ZSWIM5: variants seen among roughly 807,000 people sequenced by gnomAD.
ZSWIM5 encodes zinc finger SWIM domain-containing protein 5.
In ZSWIM5, 55 loss-of-function variants were observed where a neutral mutation model predicts 119.6. That is an observed-to-expected ratio of 0.46 (90% CI 0.37 to 0.58). The LOEUF is 0.58. ZSWIM5 is among the 20% of genes least tolerant of loss of function. The pLI is 0.00. For missense variants in ZSWIM5, 1,193 were observed against 1,512.8 expected (o/e 0.79, Z 3.51); for synonymous variants, 537 against 606.9 (o/e 0.88, Z 1.69).
rs1300291234 is a variant in ZSWIM5 at position 45,206,210 on chromosome 1, G to A, written c.141C>T (p.Val47=). The A allele has an allele frequency of 3.2e-5, 51 of 1,590,928 alleles. No homozygotes were observed. Among genetic ancestry groups the A allele is most frequent in the Non-Finnish European group, 4.4e-5 (51 of 1,170,448 alleles). The change falls in exon 1 of 14, where the codon GTC becomes GTT. Residue 47 remains valine, a synonymous_variant. Transcript: ENST00000359600. ...CCCCGAGGACCAGGCAGCTGCTGCC[G>A]ACGCCCCCTGCCCCTCCGCCGGCTG... ...PGAAGGGAGG[V]GSSCLVLGAR... is the part of the protein sequence containing the mutation.
chr1:45,120,372 T>A (rs1336955495), intron 1 of ZSWIM5, among the ~76,000 whole-genome samples: 2 of 152,120 alleles, frequency 1.3e-5, no homozygotes, highest in African/African-American at 4.8e-5. Flanking sequence ...AAATTGACAC[T>A]AATACATTAA....
chr1:45,149,908 C>T (rs953352590), intron 1 of ZSWIM5, among the ~76,000 whole-genome samples: 5 of 152,108 alleles, frequency 3.3e-5, no homozygotes, highest in African/African-American at 1.2e-4. Flanking sequence ...TGGTGGCTCA[C>T]ACCTATAACT....
At chr1:45,177,469 C>A (rs979012847) in intron 1 of ZSWIM5, among the ~76,000 whole-genome samples, 2 of 152,006 alleles carry the variant, frequency 1.3e-5, no homozygotes, top group Non-Finnish European at 2.9e-5. Flanking sequence ...TTCCTACAAC[C>A]CAAACTGTGA....
chr1:45,204,124 G>A lies in ZSWIM5; in HGVS notation c.595+1632C>T, dbSNP rs143414435. ...TGACACTTTAGTTACTTTAAAAATA[G>A]ACACCTCTTTAAAACTCTTCCTCTC... On this transcript the variant is annotated intron_variant, in intron 1 of 13. Transcript: ENST00000359600. Among the ~76,000 whole-genome samples, 30 of 152,188 alleles carry A rather than the reference G, an allele frequency of 2.0e-4. No homozygotes were observed. In the East Asian group the frequency reaches 5.6e-3, roughly 28 times the overall value.
intron 1 of ZSWIM5, among the ~76,000 whole-genome samples, chr1:45,199,924 C>T (rs750851550): frequency 6.6e-6 from 1 of 152,274 alleles, no homozygotes; most frequent in Non-Finnish European, 1.5e-5. Context: ...AGTGACTAAA[C>T]GTTAATTCAA....
intron 1 of ZSWIM5, among the ~76,000 whole-genome samples, chr1:45,141,778 C>T (rs1309362737): frequency 6.6e-6 from 1 of 151,780 alleles, no homozygotes; most frequent in African/African-American, 2.4e-5. Flanking sequence ...TGAACACGCA[C>T]ACAAAAAACA....
chr1:45,018,986 A>C lies in ZSWIM5; in HGVS notation c.3026T>G (p.Leu1009Arg). 6.2e-7 allele frequency: 1 copy of C among 1,614,220 alleles called. No individual in the cohort carries two copies. Among genetic ancestry groups the C allele is most frequent in the Non-Finnish European group, 8.5e-7 (1 of 1,180,036 alleles). The change falls in exon 14 of 14, where the codon CTC becomes CGC. Residue 1009 changes from leucine (L) to arginine (R), a missense_variant. Transcript: ENST00000359600. This position sits in a 1 kb window ranked among gnomAD's most constrained non-coding sequence, Gnocchi z 6.7. ...GAAGGCACGTAGCGGGTAGCCACGG[A>C]GCTCCATGTAGCGGGCGATGGTGAA... ...QLFTIARYMELRGYPLRAFKL... is the reference protein window; with the variant it reads ...QLFTIARYMERRGYPLRAFKL...
intron 2 of ZSWIM5, among the ~76,000 whole-genome samples, chr1:45,068,865 A>G (rs994746982): frequency 1.7e-5 from 2 of 116,806 alleles, no homozygotes; most frequent in African/African-American, 6.8e-5. Flanking sequence ...CAGTGGTGCC[A>G]TTGTAGCTTG....
rs1645746789 is a variant in ZSWIM5 at position 45,144,113 on chromosome 1, A to G, written c.596-55876T>C. Reference sequence around the variant, plus strand: ...AATGCAATATCAGTCAAAATCTCAGATATTTTAAAATATAGACAAGCTAAT... The same window carrying G: ...AATGCAATATCAGTCAAAATCTCAGGTATTTTAAAATATAGACAAGCTAAT... On this transcript the variant is annotated intron_variant, in intron 1 of 13. Transcript: ENST00000359600. 3.9e-5 allele frequency among the ~76,000 whole-genome samples: 6 copies of G among 152,302 alleles called. No homozygotes were observed. The South Asian group carries it at 1.2e-3, about 32-fold the overall frequency.
chr1:45,145,208 G>A (rs897150501), intron 1 of ZSWIM5, among the ~76,000 whole-genome samples: 2 of 152,188 alleles, frequency 1.3e-5, no homozygotes, highest in South Asian at 2.1e-4. Context: ...ATGCTTTGCT[G>A]GCGTGAATAC....
Position 45,018,571 on chromosome 1 carries a change from C to T in ZSWIM5, c.3441G>A (p.Glu1147=). The part of the protein sequence containing the change: ...EFIEFLSKAR[E]TFLLPQDGHL... ...GGCCATCCTGGGGCAGCAGGAAGGT[C>T]TCCCGAGCCTTGCTTAGAAACTCAA... The change falls in exon 14 of 14, where the codon GAG becomes GAA. Residue 1147 remains glutamate (E), a synonymous_variant. Coordinates refer to ENST00000359600, the MANE Select transcript of ZSWIM5 (RefSeq NM_020883.2). The surrounding 1 kb of genome is among the most constrained non-coding windows in gnomAD (Gnocchi z 6.7). The T allele has an allele frequency of 6.2e-7, 1 of 1,614,204 alleles. No homozygotes were observed. The highest frequency in any genetic ancestry group is 8.5e-7 in the Non-Finnish European group (1 of 1,180,034).
intron 1 of ZSWIM5, among the ~76,000 whole-genome samples, chr1:45,151,198 C>T (rs772875110): frequency 2.6e-5 from 4 of 151,882 alleles, no homozygotes; most frequent in Non-Finnish European, 4.4e-5. Context: ...GTATTTACTA[C>T]CATCTGATTA....
Position 45,051,217 on chromosome 1 carries a change from C to A in ZSWIM5, c.1289G>T (p.Cys430Phe). The A allele has an allele frequency of 6.2e-7, 1 of 1,614,172 alleles. No homozygotes were observed. The highest frequency in any genetic ancestry group is 8.5e-7 in the Non-Finnish European group (1 of 1,180,024). The part of the protein sequence containing the change: ...LWVCIILNPH[C>F]KLEEKSCWLQ... ...CCAGCAGGATTTCTCCTCCAGTTTG[C>A]AGTGTGGATTTAAAATTATGCACAC... The change falls in exon 5 of 14, where the codon TGC (cysteine) becomes TTC (phenylalanine). Residue 430 changes from cysteine (C) to phenylalanine (F), a missense_variant. Transcript: ENST00000359600.
chr1:45,018,999 G>A lies in ZSWIM5; in HGVS notation c.3013C>T (p.Arg1005Cys), dbSNP rs772439229. The change falls in exon 14 of 14, where the codon CGC (arginine) becomes TGC (cysteine). Residue 1005 changes from arginine to cysteine, a missense_variant. Arg to Cys is a radical substitution (Grantham distance 180). This residue lies in a region of ZSWIM5 where 961 missense variants were observed against 1,290.0 expected (regional missense o/e 0.74). Coordinates refer to ENST00000359600, the MANE Select transcript of ZSWIM5 (RefSeq NM_020883.2). This position sits in a 1 kb window ranked among gnomAD's most constrained non-coding sequence, Gnocchi z 6.7. ...MTHSQLFTIA[R>C]YMELRGYPLR... Reference sequence around the variant, plus strand: ...GGGTAGCCACGGAGCTCCATGTAGCGGGCGATGGTGAACAGCTGTGAATGG... The same window carrying A: ...GGGTAGCCACGGAGCTCCATGTAGCAGGCGATGGTGAACAGCTGTGAATGG... 3 of 1,614,076 alleles carry A rather than the reference G, an allele frequency of 1.9e-6. No individual in the cohort carries two copies. Among genetic ancestry groups the A allele is most frequent in the South Asian group, 1.1e-5 (1 of 91,086 alleles).
At chr1:45,117,847 C>G (rs1645567991) in intron 1 of ZSWIM5, among the ~76,000 whole-genome samples, 1 of 152,134 alleles carries the variant, frequency 6.6e-6, no homozygotes, top group African/African-American at 2.4e-5. Context: ...AAGAGAATGG[C>G]AAGTCAATCT....
chr1:45,179,569 AC>A (rs1237574479), intron 1 of ZSWIM5, among the ~76,000 whole-genome samples: 1 of 152,144 alleles, frequency 6.6e-6, no homozygotes. Context: ...TTTGTAGCAA[AC>A]CTGCACATGT....
chr1:45,129,153 GTTTTT>G (rs869042927), intron 1 of ZSWIM5, among the ~76,000 whole-genome samples: 11 of 70,154 alleles, frequency 1.6e-4, no homozygotes, highest in African/African-American at 6.0e-4. Flanking sequence ...CATACATCTT[GTTTTT>G]TTTTTTTTTT....
chr1:45,100,902 A>C (rs77353683), intron 1 of ZSWIM5, among the ~76,000 whole-genome samples: 1 of 152,248 alleles, frequency 6.6e-6, no homozygotes, highest in African/African-American at 2.4e-5. Context: ...AATTAATTCA[A>C]GATGGATTAA....
chr1:45,022,923 C>T (rs1416813311), intron 11 of ZSWIM5, among the ~76,000 whole-genome samples: 1 of 152,206 alleles, frequency 6.6e-6, no homozygotes, highest in African/African-American at 2.4e-5. Context: ...GTGGCTTGTG[C>T]CCAGCAAATT....
Sources: allele counts gnomAD v4.1 joint callset (sites outside exome capture counted in the v4.1 genomes callset), GRCh38; gene constraint gnomAD v4.1.1; regional missense constraint gnomAD v4.1.1; non-coding constraint Gnocchi (gnomAD v3.1); transcripts MANE v1.5; gene names NCBI Gene and HGNC (gene_info 2026-07-23, HGNC 2026-07-21).